The following ZNG1B variants were observed in gnomAD, a reference collection of about 807,000 sequenced individuals.
ZNG1B encodes the protein zinc-regulated GTPase metalloprotein activator 1B.
chr2:113,470,779 T>TA, the ZNG1B span: 1 of 521,622 alleles, frequency 1.9e-6, no homozygotes, highest in African/African-American at 2.0e-5. Flanking sequence ...TTTTTAGCTA[T>TA]AAAAATGTAT....
chr2:113,445,796 ATT>A, the ZNG1B span, among the ~76,000 whole-genome samples: 31 of 125,468 alleles, frequency 2.5e-4, no homozygotes, highest in African/African-American at 5.9e-4. Flanking sequence ...CCATACCATT[ATT>A]TTTTTTTTTT....
chr2:113,442,686 C>T, the ZNG1B span, among the ~76,000 whole-genome samples: 2 of 151,964 alleles, frequency 1.3e-5, no homozygotes, highest in Admixed American at 6.5e-5. Flanking sequence ...CTTCATGTTT[C>T]CTTAATGTTC....
the ZNG1B span, among the ~76,000 whole-genome samples, chr2:113,441,011 C>G: frequency 1.0e-4 from 15 of 148,604 alleles, no homozygotes; most frequent in Non-Finnish European, 4.5e-5. Flanking sequence ...CTATAAGTAG[C>G]CATATAGTCA....
chr2:113,452,177 A>G, the ZNG1B span, among the ~76,000 whole-genome samples: 1 of 152,194 alleles, frequency 6.6e-6, no homozygotes. Flanking sequence ...GAAAACTATT[A>G]AGCTTTTGGG....
At chr2:113,471,638 C>A in the ZNG1B span, among the ~76,000 whole-genome samples, 1 of 144,950 alleles carries the variant, frequency 6.9e-6, no homozygotes, top group Non-Finnish European at 1.5e-5. Context: ...CCCCCTCCCC[C>A]CAACCCACAA....
the ZNG1B span, chr2:113,445,228 T>C: frequency 1.4e-6 from 1 of 703,052 alleles, no homozygotes; most frequent in Admixed American, 3.0e-5. Flanking sequence ...GGCAGTTGAA[T>C]GAATGAACGG....
the ZNG1B span, among the ~76,000 whole-genome samples, chr2:113,482,557 GTC>G: frequency 1.3e-5 from 1 of 78,388 alleles, no homozygotes; most frequent in Admixed American, 1.6e-4. Context: ...TCTATAGGCA[GTC>G]TGTTTTTAAG....
chr2:113,438,073 T>G, the ZNG1B span: 1 of 1,609,250 alleles, frequency 6.2e-7, no homozygotes, highest in South Asian at 1.1e-5. Context: ...TGTCATGGGA[T>G]TTTGCGGGCT....
At chr2:113,438,491 T>C in the ZNG1B span, among the ~76,000 whole-genome samples, 25 of 152,178 alleles carry the variant, frequency 1.6e-4, no homozygotes, top group African/African-American at 5.8e-4. Flanking sequence ...CGAGCCAAAG[T>C]CCTCCAGCCA....
At chr2:113,489,293 GACAA>G in the ZNG1B span, among the ~76,000 whole-genome samples, 1 of 151,764 alleles carries the variant, frequency 6.6e-6, no homozygotes, top group Non-Finnish European at 1.5e-5. Flanking sequence ...AGCTTTTTCA[GACAA>G]ACAGAGAATT....
the ZNG1B span, chr2:113,495,403 C>G: frequency 1.9e-5 from 15 of 801,894 alleles, 1 homozygote; most frequent in South Asian, 2.2e-4. Context: ...TTACAACGTT[C>G]GTAAAAGCTT....
At chr2:113,458,235 T>G in the ZNG1B span, among the ~76,000 whole-genome samples, 2,674 of 152,272 alleles carry the variant, frequency 0.018, 46 homozygotes, top group Non-Finnish European at 0.03. Flanking sequence ...TGGAGAATGT[T>G]CTTTTGAATA....
chr2:113,467,120 G>A, the ZNG1B span, among the ~76,000 whole-genome samples: 1 of 150,818 alleles, frequency 6.6e-6, no homozygotes. Flanking sequence ...AATAGTCAAA[G>A]TCACTCTTAC....
chr2:113,456,970 G>C, the ZNG1B span: 1 of 453,618 alleles, frequency 2.2e-6, no homozygotes, highest in Non-Finnish European at 4.4e-6. Flanking sequence ...TGGCCAGCCA[G>C]CCAAATTGAA....
At chr2:113,467,083 C>A in the ZNG1B span, among the ~76,000 whole-genome samples, 31 of 146,682 alleles carry the variant, frequency 2.1e-4, 1 homozygote, top group African/African-American at 5.9e-4. Context: ...AAAAAACAAA[C>A]AAAAAAACCG....
the ZNG1B span, among the ~76,000 whole-genome samples, chr2:113,441,940 A>T: frequency 6.6e-6 from 1 of 152,146 alleles, no homozygotes; most frequent in Non-Finnish European, 1.5e-5. Flanking sequence ...GGGTTTCACC[A>T]TGTTGGCCAG....
At chr2:113,484,866 G>A in the ZNG1B span, among the ~76,000 whole-genome samples, 31 of 150,606 alleles carry the variant, frequency 2.1e-4, no homozygotes, top group Non-Finnish European at 4.3e-4. Flanking sequence ...TAGAGATGGG[G>A]TTTCACCATG....
At chr2:113,474,529 A>G in the ZNG1B span, among the ~76,000 whole-genome samples, 1 of 148,578 alleles carries the variant, frequency 6.7e-6, no homozygotes, top group Non-Finnish European at 1.5e-5. Flanking sequence ...GCCTTCTGCT[A>G]GCTTTTGAAT....
chr2:113,456,031 G>A, the ZNG1B span, among the ~76,000 whole-genome samples: 2 of 151,824 alleles, frequency 1.3e-5, no homozygotes, highest in African/African-American at 4.8e-5. Flanking sequence ...ACTTGTTAAT[G>A]TTTAAGTTTG....
Sources: gnomAD v4.1 joint callset for allele counts (sites outside exome capture counted in the v4.1 genomes callset) on GRCh38, gnomAD v4.1.1 for gene constraint, MANE v1.5 for transcripts, NCBI Gene and HGNC (gene_info 2026-07-23, HGNC 2026-07-21) for gene names.